IMMP2L: variants seen among roughly 807,000 people sequenced by gnomAD.
The protein encoded by IMMP2L is mitochondrial inner membrane protease subunit 2.
IMMP2L carries 18 observed loss-of-function variants against 19.3 expected under a neutral mutation model. That is an observed-to-expected ratio of 0.93 (90% CI 0.64 to 1.38). The LOEUF is 1.38. IMMP2L is among the 40% of genes most tolerant of loss of function. The pLI is 0.00. For missense variants in IMMP2L, 233 were observed against 218.2 expected (o/e 1.07, Z -0.43); for synonymous variants, 76 against 73.0 (o/e 1.04, Z -0.21).
intron 5 of IMMP2L, among the ~76,000 whole-genome samples, chr7:110,694,652 A>C (rs532062513): frequency 6.6e-6 from 1 of 152,230 alleles, no homozygotes; most frequent in African/African-American, 2.4e-5. Flanking sequence ...GGAGAGAGAG[A>C]GAGATAGAGC....
chr7:111,013,222 A>G (rs1825160332), intron 3 of IMMP2L, among the ~76,000 whole-genome samples: 4 of 152,180 alleles, frequency 2.6e-5, no homozygotes. Context: ...TAACTTCAGT[A>G]TTAGTACTAA....
At chr7:111,197,198 C>A (rs1365432709) in intron 3 of IMMP2L, among the ~76,000 whole-genome samples, 2 of 152,044 alleles carry the variant, frequency 1.3e-5, no homozygotes, top group Non-Finnish European at 2.9e-5. Context: ...CTCGGTGGCT[C>A]ACGCCTGTAA....
chr7:111,334,224 T>A (rs774511167), intron 3 of IMMP2L, among the ~76,000 whole-genome samples: 11 of 151,906 alleles, frequency 7.2e-5, no homozygotes, highest in Non-Finnish European at 1.3e-4. Context: ...TCCTCCCCTC[T>A]TCCACTTCCC....
At chr7:110,670,462 G>T (rs1209449284) in intron 5 of IMMP2L, among the ~76,000 whole-genome samples, 2 of 152,148 alleles carry the variant, frequency 1.3e-5, no homozygotes, top group African/African-American at 4.8e-5. Context: ...GGCCGAGGTG[G>T]ACAGATCACT....
At chr7:111,379,149 A>G (rs1260560811) in intron 3 of IMMP2L, among the ~76,000 whole-genome samples, 1 of 151,190 alleles carries the variant, frequency 6.6e-6, no homozygotes, top group Non-Finnish European at 1.5e-5. Flanking sequence ...GTACACTGTA[A>G]GAGAAGACCA....
chr7:111,397,869 T>A (rs1833029724), intron 3 of IMMP2L, among the ~76,000 whole-genome samples: 1 of 152,072 alleles, frequency 6.6e-6, no homozygotes, highest in South Asian at 2.1e-4. Context: ...TCATTTTGCA[T>A]AATCAAATTT....
chr7:111,437,911 A>G (rs1837345496), intron 3 of IMMP2L, among the ~76,000 whole-genome samples: 1 of 151,942 alleles, frequency 6.6e-6, no homozygotes, highest in Admixed American at 6.5e-5. Flanking sequence ...ATTATCAGAC[A>G]TGTAATAAAA....
intron 5 of IMMP2L, among the ~76,000 whole-genome samples, chr7:110,881,675 G>C (rs952981144): frequency 6.6e-6 from 1 of 152,130 alleles, no homozygotes; most frequent in Non-Finnish European, 1.5e-5. Context: ...AGCTGCTCTA[G>C]AGAAGTTACA....
At chr7:111,406,096 A>G (rs1833881269) in intron 3 of IMMP2L, among the ~76,000 whole-genome samples, 1 of 152,108 alleles carries the variant, frequency 6.6e-6, no homozygotes, top group Non-Finnish European at 1.5e-5. Flanking sequence ...TCTCTACATT[A>G]TATTTGGATG....
chr7:111,347,545 C>T (rs1827695689), intron 3 of IMMP2L, among the ~76,000 whole-genome samples: 2 of 151,870 alleles, frequency 1.3e-5, no homozygotes, highest in African/African-American at 4.8e-5. Flanking sequence ...ACCAGAGAAA[C>T]AGGCTAAGAG....
At chr7:111,301,715 C>G (rs1822257025) in intron 3 of IMMP2L, among the ~76,000 whole-genome samples, 1 of 151,790 alleles carries the variant, frequency 6.6e-6, no homozygotes, top group Non-Finnish European at 1.5e-5. Flanking sequence ...AATTTCTAAC[C>G]TTCCTCCATT....
chr7:111,544,113 T>C (rs1326900770), intron 1 of IMMP2L, among the ~76,000 whole-genome samples: 1 of 152,088 alleles, frequency 6.6e-6, no homozygotes, highest in Non-Finnish European at 1.5e-5. Flanking sequence ...TGGATGAAGC[T>C]GGAAATCCAT....
At chr7:111,399,879 A>T (rs1329200470) in intron 3 of IMMP2L, among the ~76,000 whole-genome samples, 3 of 152,146 alleles carry the variant, frequency 2.0e-5, no homozygotes, top group Non-Finnish European at 4.4e-5. Context: ...TAAGAGAATC[A>T]ACAAAACATC....
chr7:111,341,364 T>G (rs1360114956), intron 3 of IMMP2L, among the ~76,000 whole-genome samples: 1 of 152,020 alleles, frequency 6.6e-6, no homozygotes, highest in East Asian at 1.9e-4. Context: ...CAGAAAATAC[T>G]CAGCAAACAT....
intron 3 of IMMP2L, among the ~76,000 whole-genome samples, chr7:111,275,729 T>C (rs919175859): frequency 5.3e-5 from 8 of 152,304 alleles, no homozygotes; most frequent in Non-Finnish European, 1.0e-4. Flanking sequence ...CTTTCATCAG[T>C]GTTTTGTAGT....
intron 3 of IMMP2L, among the ~76,000 whole-genome samples, chr7:111,156,530 T>C (rs1179414761): frequency 6.6e-6 from 1 of 152,122 alleles, no homozygotes; most frequent in Non-Finnish European, 1.5e-5. Flanking sequence ...TTAATTGGGA[T>C]TACATTAAAT....
chr7:111,430,880 G>GTGGA (rs1433638304), intron 3 of IMMP2L, among the ~76,000 whole-genome samples: 1 of 151,800 alleles, frequency 6.6e-6, no homozygotes, highest in Admixed American at 6.6e-5. Flanking sequence ...CCCAAGGGAG[G>GTGGA]TGGATCACTT....
At chr7:111,051,092 T>C (rs1329266478) in intron 3 of IMMP2L, among the ~76,000 whole-genome samples, 6 of 152,126 alleles carry the variant, frequency 3.9e-5, no homozygotes, top group Non-Finnish European at 4.4e-5. Context: ...GAGCTATGAG[T>C]GCGCCACTGC....
chr7:110,816,997 G>A (rs1802584129), intron 5 of IMMP2L, among the ~76,000 whole-genome samples: 1 of 152,054 alleles, frequency 6.6e-6, no homozygotes, highest in Non-Finnish European at 1.5e-5. Context: ...GTGTGACTTT[G>A]GTCCTGTCAT....
Sources: allele counts gnomAD v4.1 joint callset (sites outside exome capture counted in the v4.1 genomes callset), GRCh38; gene constraint gnomAD v4.1.1; transcripts MANE v1.5; gene names NCBI Gene and HGNC (gene_info 2026-07-23, HGNC 2026-07-21).